NTM: variants seen among roughly 807,000 people sequenced by gnomAD.
NTM encodes the protein neurotrimin.
Under a neutral mutation model 42.1 loss-of-function variants are expected in NTM, and 13 were observed. The ratio of observed to expected loss-of-function variants is 0.31; its 90% CI spans 0.20 to 0.49. The LOEUF (loss-of-function observed/expected upper bound fraction) is 0.49, where lower values mean the gene tolerates loss of function less well. NTM is among the 20% of genes least tolerant of loss of function. The probability of loss-of-function intolerance (pLI) is 0.99; values close to 1 mark genes in which losing one functional copy is unlikely to be tolerated. For missense variants in NTM, 373 were observed against 452.8 expected (o/e 0.82, Z 1.60); for synonymous variants, 187 against 179.2 (o/e 1.04, Z -0.35).
rs550437004 is a variant in NTM at position 131,607,907 on chromosome 11, AATT to A, written c.82+237031_82+237033del. ...TTTTTGTGTTTTTTTTTTGTTTTAT[AATT>A]ATTATTATTATACTTTAAGTTCTAG... On this transcript the variant is annotated intron_variant, in intron 1 of 8. Transcript: ENST00000683400. 2.6e-4 allele frequency among the ~76,000 whole-genome samples: 39 copies of A among 150,912 alleles called. 1 individual carries two copies. In the South Asian group the frequency reaches 8.2e-3, roughly 32 times the overall value.
intron 1 of NTM, among the ~76,000 whole-genome samples, chr11:131,456,395 T>C (rs1302023869): frequency 6.6e-6 from 1 of 152,164 alleles, no homozygotes; most frequent in Non-Finnish European, 1.5e-5. Flanking sequence ...AATGACCCAA[T>C]TTGTATAATC....
At chr11:131,501,782 A>T (rs1555131815) in intron 1 of NTM, among the ~76,000 whole-genome samples, 1 of 152,146 alleles carries the variant, frequency 6.6e-6, no homozygotes, top group Non-Finnish European at 1.5e-5. Flanking sequence ...ATCACTGGCG[A>T]TTGCAAGGGT....
chr11:132,151,764 G>A (rs2071956508), intron 3 of NTM, among the ~76,000 whole-genome samples: 1 of 152,198 alleles, frequency 6.6e-6, no homozygotes, highest in African/African-American at 2.4e-5. Context: ...AAACACAAAT[G>A]TCTATGGAAT....
At chr11:131,789,781 C>T (rs1262639347) in intron 1 of NTM, among the ~76,000 whole-genome samples, 10 of 127,610 alleles carry the variant, frequency 7.8e-5, no homozygotes, top group Middle Eastern at 4.1e-3. Context: ...ACGGTGAAAC[C>T]CCGTCTCTAC....
chr11:131,556,546 G>A (rs1319108897), intron 1 of NTM, among the ~76,000 whole-genome samples: 1 of 149,504 alleles, frequency 6.7e-6, no homozygotes, highest in Non-Finnish European at 1.5e-5. Context: ...CCACATAATA[G>A]CACCTAACAC....
chr11:132,063,679 G>A (rs1007897606), intron 2 of NTM, among the ~76,000 whole-genome samples: 2 of 152,188 alleles, frequency 1.3e-5, no homozygotes, highest in Non-Finnish European at 2.9e-5. Context: ...AAGGACTGAG[G>A]TGGAATTGCT....
At chr11:131,696,027 T>C (rs1265186935) in intron 1 of NTM, among the ~76,000 whole-genome samples, 1 of 152,166 alleles carries the variant, frequency 6.6e-6, no homozygotes, top group Non-Finnish European at 1.5e-5. Flanking sequence ...CTAATTATCA[T>C]TGCAAACAAC....
chr11:131,835,661 T>A (rs1048095960), intron 1 of NTM, among the ~76,000 whole-genome samples: 5 of 152,176 alleles, frequency 3.3e-5, no homozygotes, highest in Non-Finnish European at 7.4e-5. Flanking sequence ...GTACAAACAC[T>A]CTGGAAAATT....
At chr11:131,843,479 C>T (rs906444767) in intron 1 of NTM, among the ~76,000 whole-genome samples, 11 of 152,116 alleles carry the variant, frequency 7.2e-5, no homozygotes, top group African/African-American at 2.4e-4. Flanking sequence ...CATTTTAATC[C>T]AATTTATGAC....
At chr11:131,650,521 T>A (rs965974284) in intron 1 of NTM, among the ~76,000 whole-genome samples, 1 of 152,202 alleles carries the variant, frequency 6.6e-6, no homozygotes, top group Non-Finnish European at 1.5e-5. Flanking sequence ...CAGTAAAGAC[T>A]ATTTTACTAT....
chr11:131,442,472 G>T (rs114957352), intron 1 of NTM, among the ~76,000 whole-genome samples: 2,547 of 152,148 alleles, frequency 0.017, 65 homozygotes, highest in African/African-American at 0.056. Flanking sequence ...TGTGTCATGG[G>T]TATATTACAT....
chr11:131,926,387 A>G (rs1453892961), intron 2 of NTM, among the ~76,000 whole-genome samples: 1 of 152,160 alleles, frequency 6.6e-6, no homozygotes, highest in African/African-American at 2.4e-5. Context: ...GTTAGGGGAC[A>G]GAGTAACCTG....
At position 132,084,387 on chromosome 11, in the gene NTM, A is replaced by G. The variant is rs558052308; in HGVS notation, c.168-61895A>G. ...CTCATACAATTTTGTGACATATACTAATATTATTTACTAAAATATAACCTG... is the reference window on the plus strand; with the variant it reads ...CTCATACAATTTTGTGACATATACTGATATTATTTACTAAAATATAACCTG... On this transcript the variant is annotated intron_variant, in intron 2 of 8. Transcript: ENST00000683400. 5.3e-5 allele frequency among the ~76,000 whole-genome samples: 8 copies of G among 152,276 alleles called. No homozygotes were observed. The East Asian group carries it at 1.5e-3, about 29-fold the overall frequency.
chr11:132,316,063 A>C (rs1468206160), intron 7 of NTM, among the ~76,000 whole-genome samples: 4 of 151,902 alleles, frequency 2.6e-5, no homozygotes, highest in African/African-American at 9.7e-5. Flanking sequence ...CCATTAACCC[A>C]AGTCCTGCTC....
rs548860933 is a variant in NTM at position 131,935,745 on chromosome 11, A to G, written c.167+24097A>G. 9.8e-5 allele frequency among the ~76,000 whole-genome samples: 15 copies of G among 152,300 alleles called. No individual in the cohort carries two copies. In the East Asian group the frequency reaches 2.9e-3, roughly 29 times the overall value. On this transcript the variant is annotated intron_variant, in intron 2 of 8. Transcript: ENST00000683400. ...TATATTTTTAATTAGGACCTCTTTC[A>G]CTAGTCTCCTTACCTGTAGAATTTT... is the stretch of plus-strand genomic sequence containing the variant.
At chr11:132,171,097 T>C (rs190498600) in intron 3 of NTM, among the ~76,000 whole-genome samples, 186 of 152,346 alleles carry the variant, frequency 1.2e-3, no homozygotes, top group Non-Finnish European at 2.2e-3. Flanking sequence ...TTGTTGGACC[T>C]GTTTGTAGTT....
intron 4 of NTM, among the ~76,000 whole-genome samples, chr11:132,281,065 T>C (rs1369536994): frequency 2.0e-5 from 3 of 152,240 alleles, no homozygotes; most frequent in African/African-American, 7.2e-5. Context: ...AGCATAAATG[T>C]TCATTTAATT....
At chr11:131,945,323 A>G (rs2134267601) in intron 2 of NTM, among the ~76,000 whole-genome samples, 2 of 152,296 alleles carry the variant, frequency 1.3e-5, no homozygotes, top group South Asian at 4.1e-4. Context: ...AGGAAGTGAG[A>G]TGCCTGAACT....
At chr11:131,828,956 C>A (rs1425749468) in intron 1 of NTM, among the ~76,000 whole-genome samples, 1 of 150,946 alleles carries the variant, frequency 6.6e-6, no homozygotes, top group Non-Finnish European at 1.5e-5. Flanking sequence ...CTCTCTCTTC[C>A]TCTCCCTCCA....
Sources: gnomAD v4.1 joint callset for allele counts (sites outside exome capture counted in the v4.1 genomes callset) on GRCh38, gnomAD v4.1.1 for gene constraint, MANE v1.5 for transcripts, NCBI Gene and HGNC (gene_info 2026-07-23, HGNC 2026-07-21) for gene names.